TENM2: variants seen among roughly 807,000 people sequenced by gnomAD.
TENM2 encodes the protein teneurin-2.
In TENM2, 52 loss-of-function variants were observed where a neutral mutation model predicts 245.2. The ratio of observed to expected loss-of-function variants is 0.21; its 90% CI spans 0.17 to 0.27. TENM2 has a LOEUF of 0.27. Ranked by LOEUF, TENM2 falls within the 10% of genes least tolerant of loss-of-function variation. The pLI is 1.00. For missense variants in TENM2, 3,046 were observed against 3,666.8 expected (o/e 0.83, Z 4.37); for synonymous variants, 1,363 against 1,438.9 (o/e 0.95, Z 1.19).
the TENM2 span, among the ~76,000 whole-genome samples, chr5:166,990,360 A>G: frequency 6.6e-6 from 1 of 152,234 alleles, no homozygotes; most frequent in Non-Finnish European, 1.5e-5. Context: ...TTAATTAGAA[A>G]CAAAATCACT....
intron 4 of TENM2, among the ~76,000 whole-genome samples, chr5:167,976,265 G>T (rs973953417): frequency 6.6e-6 from 1 of 152,030 alleles, no homozygotes; most frequent in Non-Finnish European, 1.5e-5. Context: ...TACTGATCTA[G>T]AAACAGAGAG....
At chr5:168,090,799 C>T (rs1368183054) in intron 8 of TENM2, 30 bp downstream of exon 10, 1 of 1,573,342 alleles carries the variant, frequency 6.4e-7, no homozygotes, top group Non-Finnish European at 8.7e-7. Context: ...GATGGTACGC[C>T]ATGAAGGGAA....
the TENM2 span, among the ~76,000 whole-genome samples, chr5:167,081,768 T>C: frequency 2.0e-5 from 3 of 152,340 alleles, no homozygotes; most frequent in South Asian, 6.2e-4. Flanking sequence ...TCAGAGATGA[T>C]ATTAGACAGC....
At chr5:167,176,855 C>T in the TENM2 span, among the ~76,000 whole-genome samples, 2 of 152,122 alleles carry the variant, frequency 1.3e-5, no homozygotes, top group East Asian at 3.9e-4. Context: ...TCTGTGTGAC[C>T]CCCGTGGTTT....
At chr5:168,011,184 T>C (rs1785193345) in intron 5 of TENM2, among the ~76,000 whole-genome samples, 1 of 152,232 alleles carries the variant, frequency 6.6e-6, no homozygotes, top group Admixed American at 6.5e-5. Flanking sequence ...TTTCTTTTTC[T>C]CTCTTGCTAT....
chr5:167,346,745 G>T (rs1758479383), intron 1 of TENM2, among the ~76,000 whole-genome samples: 1 of 151,998 alleles, frequency 6.6e-6, no homozygotes, highest in East Asian at 1.9e-4. Flanking sequence ...CAGAATATTG[G>T]CATTTGTGCC....
chr5:166,992,695 G>C, the TENM2 span, among the ~76,000 whole-genome samples: 4 of 152,110 alleles, frequency 2.6e-5, no homozygotes, highest in South Asian at 6.2e-4. Flanking sequence ...CAAATTCTTT[G>C]AAGAATCAGG....
At chr5:167,863,878 G>A (rs1238214597) in intron 2 of TENM2, among the ~76,000 whole-genome samples, 1 of 152,138 alleles carries the variant, frequency 6.6e-6, no homozygotes, top group Non-Finnish European at 1.5e-5. Context: ...TCGAACAATT[G>A]TTCAGGGAGG....
chr5:167,680,939 T>C (rs1316280243), intron 2 of TENM2, among the ~76,000 whole-genome samples: 1 of 151,584 alleles, frequency 6.6e-6, no homozygotes, highest in Non-Finnish European at 1.5e-5. Context: ...TGAATGATGT[T>C]GTTTTTAGTG....
the TENM2 span, among the ~76,000 whole-genome samples, chr5:167,075,377 C>A: frequency 6.6e-6 from 1 of 152,098 alleles, no homozygotes; most frequent in Non-Finnish European, 1.5e-5. Flanking sequence ...TCTTCTAACT[C>A]AGTTTTCTGG....
chr5:167,254,180 G>T, the TENM2 span, among the ~76,000 whole-genome samples: 1 of 152,084 alleles, frequency 6.6e-6, no homozygotes, highest in Non-Finnish European at 1.5e-5. Flanking sequence ...AGCTTCCAAG[G>T]ATCACAGTTA....
At chr5:168,186,930 C>A (rs995809812) in intron 13 of TENM2, 2 of 152,208 alleles carry the variant, frequency 1.3e-5, no homozygotes, top group Admixed American at 1.3e-4. Flanking sequence ...TCATGACTGA[C>A]AGGCCACTGG....
At chr5:167,740,441 T>C (rs991956105) in intron 2 of TENM2, among the ~76,000 whole-genome samples, 1 of 152,188 alleles carries the variant, frequency 6.6e-6, no homozygotes, top group African/African-American at 2.4e-5. Context: ...GTGCAGTCAA[T>C]TGACATTTTG....
At chr5:167,928,414 G>A (rs967445134) in intron 3 of TENM2, among the ~76,000 whole-genome samples, 3 of 152,150 alleles carry the variant, frequency 2.0e-5, no homozygotes, top group South Asian at 2.1e-4. Context: ...TATTACTAAC[G>A]TATCCCAGGC....
the TENM2 span, among the ~76,000 whole-genome samples, chr5:167,090,433 T>G: frequency 6.6e-6 from 1 of 152,226 alleles, no homozygotes; most frequent in Non-Finnish European, 1.5e-5. Flanking sequence ...CCAAGAAATC[T>G]TAGTCAGATA....
intron 2 of TENM2, among the ~76,000 whole-genome samples, chr5:167,840,020 C>T (rs772492759): frequency 3.9e-4 from 59 of 152,326 alleles, no homozygotes; most frequent in African/African-American, 6.5e-4. Context: ...GGAGTTTCAC[C>T]GTGTTAGCCA....
intron 21 of TENM2, among the ~76,000 whole-genome samples, chr5:168,216,184 G>C (rs902940087): frequency 6.6e-6 from 1 of 152,150 alleles, no homozygotes; most frequent in Admixed American, 6.5e-5. Flanking sequence ...AAAATAAATA[G>C]AAGCCATATC....
intron 2 of TENM2, among the ~76,000 whole-genome samples, chr5:167,388,516 A>T (rs1581912587): frequency 6.7e-6 from 1 of 149,648 alleles, no homozygotes. Context: ...TTCTTCTGTG[A>T]TCTTGGGTTT....
At chr5:167,814,466 AAAAGAAAAAG>A (rs1302472196) in intron 2 of TENM2, among the ~76,000 whole-genome samples, 1 of 150,812 alleles carries the variant, frequency 6.6e-6, no homozygotes. Context: ...AAAAAAAAAA[AAAAGAAAAAG>A]AAAAGAAAAA....
Sources: allele counts gnomAD v4.1 joint callset (sites outside exome capture counted in the v4.1 genomes callset), GRCh38; gene constraint gnomAD v4.1.1; transcripts MANE v1.5; gene names NCBI Gene and HGNC (gene_info 2026-07-23, HGNC 2026-07-21).